Variants in ABCC1 observed in about 807,000 individuals in gnomAD.
The protein encoded by ABCC1 is multidrug resistance-associated protein 1.
ABCC1 carries 83 observed loss-of-function variants against 172.9 expected under a neutral mutation model. That is an observed-to-expected ratio of 0.48 (90% confidence interval 0.40 to 0.58). The LOEUF is 0.58. Among genes scored for constraint, ABCC1 ranks in the 20% least tolerant of loss-of-function variants. The pLI is 0.00. For synonymous variants in ABCC1, 937 were observed against 825.2 expected (o/e 1.14, Z -2.32); for missense variants, 1,817 against 2,002.7 (o/e 0.91, Z 1.77).
intron 23 of ABCC1, among the ~76,000 whole-genome samples, chr16:16,115,932 T>G (rs1045963111): frequency 2.6e-5 from 4 of 151,764 alleles, no homozygotes; most frequent in Non-Finnish European, 5.9e-5. Context: ...ACATGGAGTC[T>G]CGCTCTGTCG....
intron 12 of ABCC1, among the ~76,000 whole-genome samples, chr16:16,057,740 T>C (rs2049728908): frequency 1.3e-5 from 2 of 152,126 alleles, no homozygotes; most frequent in African/African-American, 2.4e-5. Flanking sequence ...ATATATAGTC[T>C]TGGTTCGTTC....
chr16:16,009,706 C>T, intron 2 of ABCC1, 70 bp from the exon 3 acceptor site: 4 of 1,463,964 alleles, frequency 2.7e-6, no homozygotes, highest in East Asian at 2.6e-5. Flanking sequence ...TGGGGCTGAG[C>T]TGTTCGTGCA....
chr16:16,062,730 G>C (rs1229099734), intron 12 of ABCC1, among the ~76,000 whole-genome samples: 1 of 152,124 alleles, frequency 6.6e-6, no homozygotes, highest in African/African-American at 2.4e-5. Context: ...TTTTCCACTG[G>C]TGTGCATTCC....
At chr16:16,126,850 G>A (rs1351398666) in intron 26 of ABCC1, among the ~76,000 whole-genome samples, 2 of 152,202 alleles carry the variant, frequency 1.3e-5, no homozygotes, top group Non-Finnish European at 2.9e-5. Context: ...CTACACGAAT[G>A]ATGTAGCTGG....
At chr16:15,968,962 C>T (rs1460159797) in intron 1 of ABCC1, among the ~76,000 whole-genome samples, 6 of 151,678 alleles carry the variant, frequency 4.0e-5, no homozygotes, top group East Asian at 1.9e-4. Flanking sequence ...AATCTCAGTA[C>T]GTTGAGAGGC....
chr16:16,107,445 T>C (rs542763645), intron 21 of ABCC1, among the ~76,000 whole-genome samples: 1 of 152,048 alleles, frequency 6.6e-6, no homozygotes, highest in Non-Finnish European at 1.5e-5. Context: ...ACTTGCTACC[T>C]TGCCCAGCTA....
chr16:16,065,986 A>G (rs892335167), intron 12 of ABCC1, among the ~76,000 whole-genome samples: 1 of 151,330 alleles, frequency 6.6e-6, no homozygotes, highest in African/African-American at 2.4e-5. Flanking sequence ...GGTTTTTTGT[A>G]TAAATGATAA....
At chr16:16,124,185 T>A (rs1178946992) in intron 24 of ABCC1, among the ~76,000 whole-genome samples, 1 of 152,214 alleles carries the variant, frequency 6.6e-6, no homozygotes, top group African/African-American at 2.4e-5. Flanking sequence ...CAAGAGACTG[T>A]TATTTTCTAC....
intron 1 of ABCC1, among the ~76,000 whole-genome samples, chr16:15,958,122 T>C (rs1338773772): frequency 6.6e-6 from 1 of 152,176 alleles, no homozygotes; most frequent in Non-Finnish European, 1.5e-5. Flanking sequence ...TATTATTTTT[T>C]TGAGACGAAG....
intron 10 of ABCC1, among the ~76,000 whole-genome samples, chr16:16,049,845 A>G (rs1158077008): frequency 6.6e-6 from 1 of 151,584 alleles, no homozygotes; most frequent in African/African-American, 2.4e-5. Flanking sequence ...CACCACGCCC[A>G]TTAAATTTTC....
intron 29 of ABCC1, among the ~76,000 whole-genome samples, chr16:16,137,770 C>G (rs528004079): frequency 1.4e-4 from 21 of 152,104 alleles, no homozygotes; most frequent in Admixed American, 4.6e-4. Flanking sequence ...CCAGGCTAGT[C>G]TCAAACTCCT....
intron 21 of ABCC1, 113 bp from the exon 22 acceptor site, chr16:16,111,262 C>G (rs1160508538): frequency 2.4e-6 from 2 of 845,088 alleles, no homozygotes; most frequent in Non-Finnish European, 3.9e-6. Context: ...TACGTAGGAG[C>G]AAAGGCAGGC....
chr16:16,134,476 G>A lies in ABCC1; in HGVS notation c.4093G>A (p.Asp1365Asn), dbSNP rs188980645. ...CAACATCGCCAAGATCGGCCTGCAC[G>A]ACCTCCGCTTCAAGATCACCATCAT... ...GINIAKIGLH[D>N]LRFKITIIPQ... Residue 1365 changes from aspartate to asparagine, a missense_variant, in exon 28 of 31, where the codon GAC becomes AAC. Transcript: ENST00000399410. 2.4e-4 allele frequency: 383 copies of A among 1,614,160 alleles called. 1 individual carries two copies. The highest frequency in any genetic ancestry group is 3.1e-4 in the Non-Finnish European group (364 of 1,180,038).
chr16:16,014,459 C>A, intron 3 of ABCC1, 32 bp from the exon 4 acceptor site: 2 of 1,604,648 alleles, frequency 1.2e-6, no homozygotes, highest in Non-Finnish European at 1.7e-6. Context: ...AAAAAAAACC[C>A]AACAACTCCT....
At position 15,968,882 on chromosome 16, in the gene ABCC1, C is replaced by T. The variant is rs547949796; in HGVS notation, c.48+19083C>T. Among the ~76,000 whole-genome samples, 105 of 150,576 alleles carry T rather than the reference C, an allele frequency of 7.0e-4. 2 individuals are homozygous for T. Among genetic ancestry groups the T allele is most frequent in the Middle Eastern group, 3.4e-3 (1 of 294 alleles). On this transcript the variant is annotated intron_variant, in intron 1 of 30. Transcript: ENST00000399410. Reference sequence around the variant, plus strand: ...GGACCACAGGTGCCCACCACCATGCCCAGCTAATATTTTTTCTTTTTTTTT... The same window carrying T: ...GGACCACAGGTGCCCACCACCATGCTCAGCTAATATTTTTTCTTTTTTTTT...
intron 5 of ABCC1, among the ~76,000 whole-genome samples, chr16:16,019,795 G>A (rs774512186): frequency 1.6e-4 from 25 of 152,064 alleles, no homozygotes; most frequent in Non-Finnish European, 3.5e-4. Context: ...CAGCTCTGGC[G>A]GCTAAAAGGC....
chr16:16,108,738 T>C (rs751261663), intron 21 of ABCC1, among the ~76,000 whole-genome samples: 27 of 151,844 alleles, frequency 1.8e-4, no homozygotes, highest in Non-Finnish European at 3.8e-4. Flanking sequence ...TGTGACTACA[T>C]GTGTGCACCC....
intron 27 of ABCC1, among the ~76,000 whole-genome samples, chr16:16,133,527 C>G (rs1227353712): frequency 6.6e-6 from 1 of 152,096 alleles, no homozygotes; most frequent in Admixed American, 6.6e-5. Flanking sequence ...CCTCCGTCTC[C>G]CGAGTATCTG....
chr16:16,132,018 C>G, intron 27 of ABCC1, 83 bp downstream of exon 27: 22 of 1,530,364 alleles, frequency 1.4e-5, no homozygotes, highest in Non-Finnish European at 2.0e-5. Context: ...GCTGCAGCGT[C>G]TCCCCAGTCA....
Sources: gnomAD v4.1 joint callset for allele counts (sites outside exome capture counted in the v4.1 genomes callset) on GRCh38, gnomAD v4.1.1 for gene constraint, MANE v1.5 for transcripts, NCBI Gene and HGNC (gene_info 2026-07-23, HGNC 2026-07-21) for gene names.